The following GRAMD1B variants were observed in gnomAD, a reference collection of about 807,000 sequenced individuals.
The protein encoded by GRAMD1B is GRAM domain containing 1B.
A neutral mutation model predicts 99.7 loss-of-function variants in GRAMD1B; 37 were observed. That is an observed-to-expected ratio of 0.37 (90% CI 0.29 to 0.49). GRAMD1B has a LOEUF of 0.49. Among genes scored for constraint, GRAMD1B ranks in the 20% least tolerant of loss-of-function variants. GRAMD1B has a pLI of 0.98. For synonymous variants in GRAMD1B, 427 were observed against 387.6 expected, an observed-to-expected ratio of 1.10 and a Z score of -1.19; for missense variants, 888 against 1,009.2, an observed-to-expected ratio of 0.88 and a Z score of 1.63.
At chr11:123,468,005 A>G (rs1235723822) in intron 1 of GRAMD1B, among the ~76,000 whole-genome samples, 1 of 151,936 alleles carries the variant, frequency 6.6e-6, no homozygotes, top group Non-Finnish European at 1.5e-5. Flanking sequence ...CTGGGATTAC[A>G]GGCATGCCCA....
At chr11:123,567,322 C>G (rs1784359) in intron 2 of GRAMD1B, among the ~76,000 whole-genome samples, 2 of 151,956 alleles carry the variant, frequency 1.3e-5, no homozygotes. Context: ...GGATATGAAC[C>G]TTTTCCCCAG....
Position 123,625,659 on chromosome 11 carries a change from C to T in GRAMD1B, c.*3064C>T. On this transcript the variant is annotated 3_prime_UTR_variant, in exon 20 of 20. Coordinates refer to ENST00000635736, the MANE Select transcript of GRAMD1B (RefSeq NM_001387025.1). ...CTCTGTGGCCTTGGGCAAGTCACTC[C>T]CCCTCTCTGAGCTTCAGTATCCTCC... 1 of 152,618 alleles carries T rather than the reference C, an allele frequency of 6.6e-6. No homozygotes were observed. Among genetic ancestry groups the T allele is most frequent in the East Asian group, 1.9e-4 (1 of 5,202 alleles). The allele number at this position is 152,618 out of a possible 1,614,324, so 9.5% of individuals were successfully genotyped here. A position where few individuals can be genotyped will look rare whatever the true frequency, so the allele number is the denominator to read the frequency against.
In GRAMD1B at chr11:123,614,755, G is replaced by T; in HGVS notation, c.2238G>T (p.Gln746His). The T allele has an allele frequency of 6.2e-7, 1 of 1,609,688 alleles. No homozygotes were observed. Among genetic ancestry groups the T allele is most frequent in the Non-Finnish European group, 8.5e-7 (1 of 1,176,064 alleles). ...HRIKHVAGST[Q>H]TRHIPEDTPN... Reference sequence around the variant, plus strand: ...TAATTCTCCCCACAGGTTCCACACAGACGCGGCATATCCCGGAGGACACCC... The same window carrying T: ...TAATTCTCCCCACAGGTTCCACACATACGCGGCATATCCCGGAGGACACCC... Residue 746 changes from glutamine to histidine, a missense_variant, in exon 17 of 20, where the codon CAG becomes CAT. By Grantham distance (24) the Gln-to-His change is conservative. Coordinates refer to ENST00000635736, the MANE Select transcript of GRAMD1B (RefSeq NM_001387025.1).
intron 1 of GRAMD1B, among the ~76,000 whole-genome samples, chr11:123,387,415 T>C (rs1357781128): frequency 1.3e-5 from 2 of 152,046 alleles, no homozygotes; most frequent in South Asian, 4.1e-4. Context: ...ACAGCCAGAC[T>C]GTATTTAGAA....
At chr11:123,517,683 GT>G (rs1941806738) in intron 2 of GRAMD1B, among the ~76,000 whole-genome samples, 1 of 152,170 alleles carries the variant, frequency 6.6e-6, no homozygotes, top group African/African-American at 2.4e-5. Context: ...GAAGAATGCG[GT>G]TTTTCTGCAC....
rs1367769192 is a variant in GRAMD1B, at chr11:123,594,064, T to C, written c.685-18T>C. 1 of 1,572,806 alleles carries C rather than the reference T, an allele frequency of 6.4e-7. No individual in the cohort carries two copies. The highest frequency in any genetic ancestry group is 1.3e-5 in the African/African-American group (1 of 74,198). ...AGAACCGGGGTACATCCTACTAACCTTGGCTATTGTCACGCAGGTGTTAAG... is the reference window on the plus strand; with the variant it reads ...AGAACCGGGGTACATCCTACTAACCCTGGCTATTGTCACGCAGGTGTTAAG... On this transcript the variant is annotated intron_variant, in intron 4 of 19. Coordinates refer to ENST00000635736, the MANE Select transcript of GRAMD1B (RefSeq NM_001387025.1).
At chr11:123,472,230 A>G (rs867841237) in intron 1 of GRAMD1B, among the ~76,000 whole-genome samples, 35 of 151,024 alleles carry the variant, frequency 2.3e-4, no homozygotes, top group African/African-American at 8.0e-4. Context: ...TCTGTCTCAA[A>G]AAAAAAAAAA....
intron 2 of GRAMD1B, among the ~76,000 whole-genome samples, chr11:123,536,045 C>T (rs1238717723): frequency 6.6e-6 from 1 of 152,190 alleles, no homozygotes; most frequent in African/African-American, 2.4e-5. Context: ...GACAGATGCA[C>T]ATGGTTCTGC....
chr11:123,368,275 A>AAAAAAAAAAAAAAAAAAAG (rs60644137), intron 1 of GRAMD1B, among the ~76,000 whole-genome samples: 18 of 127,104 alleles, frequency 1.4e-4, no homozygotes, highest in African/African-American at 4.7e-4. Flanking sequence ...AAAAAAAAAA[A>AAAAAAAAAAAAAAAAAAAG]AAAGAAAGAA....
At chr11:123,595,253 G>A (rs1019149059) in intron 6 of GRAMD1B, among the ~76,000 whole-genome samples, 2 of 150,998 alleles carry the variant, frequency 1.3e-5, no homozygotes, top group Admixed American at 6.6e-5. Flanking sequence ...TCCTCATCTC[G>A]TATACTAAGG....
intron 19 of GRAMD1B, among the ~76,000 whole-genome samples, chr11:123,621,166 G>C (rs1014279824): frequency 6.6e-6 from 1 of 152,172 alleles, no homozygotes; most frequent in East Asian, 1.9e-4. Context: ...ATGAACCAGA[G>C]AGAAGAAAGT....
chr11:123,414,922 C>T (rs773014023), intron 1 of GRAMD1B, among the ~76,000 whole-genome samples: 5 of 152,110 alleles, frequency 3.3e-5, no homozygotes, highest in Non-Finnish European at 7.3e-5. Context: ...AACATTGACT[C>T]TCTTTCAGAA....
At chr11:123,599,032 C>G (rs957495436) in intron 7 of GRAMD1B, 13 of 1,108,874 alleles carry the variant, frequency 1.2e-5, no homozygotes, top group Non-Finnish European at 1.8e-5. Flanking sequence ...TCATGGAGAT[C>G]GAGGTAACGA....
intron 2 of GRAMD1B, among the ~76,000 whole-genome samples, chr11:123,482,856 C>T (rs550382170): frequency 2.0e-4 from 31 of 152,118 alleles, no homozygotes; most frequent in African/African-American, 6.3e-4. Flanking sequence ...GCCAGGAGTT[C>T]GAGACCAGCC....
At chr11:123,569,546 TG>T (rs1478393070) in intron 2 of GRAMD1B, among the ~76,000 whole-genome samples, 1 of 152,170 alleles carries the variant, frequency 6.6e-6, no homozygotes, top group African/African-American at 2.4e-5. Flanking sequence ...ACTGGTTTAG[TG>T]GGGCAGACCT....
At chr11:123,452,989 G>C (rs1949955946) in intron 1 of GRAMD1B, among the ~76,000 whole-genome samples, 1 of 152,130 alleles carries the variant, frequency 6.6e-6, no homozygotes. Context: ...TACTTTCAGT[G>C]CATTTTTCTG....
intron 1 of GRAMD1B, among the ~76,000 whole-genome samples, chr11:123,398,223 A>C (rs1947535708): frequency 6.6e-6 from 1 of 152,246 alleles, no homozygotes; most frequent in African/African-American, 2.4e-5. Flanking sequence ...TAATTTATAA[A>C]GAAAAGTTTA....
At chr11:123,594,019 CCCTT>C (rs1185444452) in intron 4 of GRAMD1B, 59 bp from the exon 5 acceptor site, 18 of 1,113,194 alleles carry the variant, frequency 1.6e-5, no homozygotes, top group Non-Finnish European at 2.2e-5. Context: ...CCTCATCTTG[CCCTT>C]CCTTCCTAAC....
chr11:123,449,456 C>G (rs543326804), intron 1 of GRAMD1B, among the ~76,000 whole-genome samples: 1 of 152,136 alleles, frequency 6.6e-6, no homozygotes, highest in East Asian at 1.9e-4. Flanking sequence ...AATAATTACC[C>G]CTTCATATGC....
Sources: gnomAD v4.1 joint callset for allele counts (sites outside exome capture counted in the v4.1 genomes callset) on GRCh38, gnomAD v4.1.1 for gene constraint, MANE v1.5 for transcripts, NCBI Gene and HGNC (gene_info 2026-07-23, HGNC 2026-07-21) for gene names.